COL19A1: variants seen among roughly 807,000 people sequenced by gnomAD.
COL19A1 encodes the protein collagen alpha-1(XIX) chain.
A neutral mutation model predicts 190.2 loss-of-function variants in COL19A1; 159 were observed. The observed-to-expected ratio is 0.84, with a 90% confidence interval of 0.73 to 0.95. The LOEUF is 0.95. COL19A1 is among the 40% of genes least tolerant of loss of function. COL19A1 has a pLI of 0.00. For missense variants in COL19A1, 1,418 were observed against 1,431.9 expected, an observed-to-expected ratio of 0.99 and a Z score of 0.16; for synonymous variants, 509 against 458.9, an observed-to-expected ratio of 1.11 and a Z score of -1.39.
intron 22 of COL19A1, among the ~76,000 whole-genome samples, chr6:70,142,353 C>T (rs931999549): frequency 1.3e-5 from 2 of 152,132 alleles, no homozygotes; most frequent in African/African-American, 2.4e-5. Flanking sequence ...GCTAAATCTA[C>T]GACCTTGAGC....
At chr6:69,985,205 T>C (rs1278932269) in intron 11 of COL19A1, among the ~76,000 whole-genome samples, 1 of 152,188 alleles carries the variant, frequency 6.6e-6, no homozygotes, top group Non-Finnish European at 1.5e-5. Context: ...AGTTTTGTTG[T>C]GTGGGATGGT....
intron 12 of COL19A1, among the ~76,000 whole-genome samples, chr6:70,029,663 T>C (rs1160849185): frequency 6.6e-6 from 1 of 152,190 alleles, no homozygotes; most frequent in East Asian, 1.9e-4. Flanking sequence ...TACAATGCCA[T>C]GGCCTTAACA....
At chr6:69,874,180 C>T (rs1451771168) in intron 1 of COL19A1, among the ~76,000 whole-genome samples, 1 of 152,118 alleles carries the variant, frequency 6.6e-6, no homozygotes, top group Non-Finnish European at 1.5e-5. Flanking sequence ...AGCCTGAGAA[C>T]CGCAGGTGTC....
chr6:70,149,167 C>T (rs936207752), intron 27 of COL19A1, among the ~76,000 whole-genome samples: 4 of 152,128 alleles, frequency 2.6e-5, no homozygotes, highest in Admixed American at 1.3e-4. Flanking sequence ...TCATGGTTAC[C>T]TAAGAGCGGT....
chr6:70,187,995 G>C (rs1371913740), intron 46 of COL19A1, 80 bp from the exon 47 acceptor site: 3 of 1,529,854 alleles, frequency 2.0e-6, no homozygotes, highest in African/African-American at 1.4e-5. Context: ...ATAAGTGCCA[G>C]TATGAATCCA....
chr6:70,185,974 C>A (rs1766488094), intron 46 of COL19A1, among the ~76,000 whole-genome samples: 1 of 152,222 alleles, frequency 6.6e-6, no homozygotes, highest in African/African-American at 2.4e-5. Context: ...ATCTCTCTCA[C>A]TCTAATACAT....
intron 4 of COL19A1, among the ~76,000 whole-genome samples, chr6:69,912,111 A>G (rs1477357325): frequency 1.3e-5 from 2 of 152,138 alleles, no homozygotes; most frequent in African/African-American, 2.4e-5. Flanking sequence ...TCTCTGTCAT[A>G]CCATGCCCAC....
intron 11 of COL19A1, among the ~76,000 whole-genome samples, chr6:69,978,048 C>T (rs1003169748): frequency 6.6e-6 from 1 of 152,162 alleles, no homozygotes; most frequent in African/African-American, 2.4e-5. Flanking sequence ...CCCAGAGATT[C>T]TATATGTGTT....
At chr6:70,042,674 G>A (rs1283568968) in intron 14 of COL19A1, among the ~76,000 whole-genome samples, 2 of 152,150 alleles carry the variant, frequency 1.3e-5, no homozygotes, top group Non-Finnish European at 2.9e-5. Context: ...AGCATGTGAT[G>A]CTGTTTAGTA....
At chr6:70,071,701 G>A (rs1341660290) in intron 15 of COL19A1, among the ~76,000 whole-genome samples, 3 of 152,038 alleles carry the variant, frequency 2.0e-5, no homozygotes, top group African/African-American at 7.2e-5. Flanking sequence ...CTAAGCTACA[G>A]ATGAGAATGT....
intron 35 of COL19A1, among the ~76,000 whole-genome samples, chr6:70,162,805 A>G (rs1427576877): frequency 6.6e-6 from 1 of 152,228 alleles, no homozygotes; most frequent in African/African-American, 2.4e-5. Context: ...ACAGTTATAC[A>G]GAACAAACCT....
At chr6:70,084,052 T>C (rs916015745) in intron 15 of COL19A1, among the ~76,000 whole-genome samples, 3 of 152,208 alleles carry the variant, frequency 2.0e-5, no homozygotes, top group Non-Finnish European at 4.4e-5. Flanking sequence ...CTTACCTTTT[T>C]AAAATTGGAA....
At chr6:69,974,916 C>T (rs1377135836) in intron 11 of COL19A1, among the ~76,000 whole-genome samples, 2 of 150,694 alleles carry the variant, frequency 1.3e-5, no homozygotes, top group African/African-American at 4.9e-5. Context: ...GAGTTCGCGC[C>T]ATTTTCCTGC....
At chr6:70,163,292 T>G in intron 35 of COL19A1, 51 bp from the exon 36 acceptor site, 3 of 1,536,018 alleles carry the variant, frequency 2.0e-6, no homozygotes, top group East Asian at 2.3e-5. Context: ...CCAATACCCT[T>G]TGGCCATTTA....
At chr6:70,023,869 A>G (rs1188594708) in intron 12 of COL19A1, among the ~76,000 whole-genome samples, 189 bp downstream of exon 12, 1 of 152,082 alleles carries the variant, frequency 6.6e-6, no homozygotes, top group Non-Finnish European at 1.5e-5. Flanking sequence ...CATTGGCTTT[A>G]TGTATTTTCT....
In COL19A1 at chr6:69,994,292, CTAAT is replaced by C. The variant is rs535043819; in HGVS notation, c.1027-29333_1027-29330del. Among the ~76,000 whole-genome samples, 366 of 152,160 alleles carry C rather than the reference CTAAT, an allele frequency of 2.4e-3. 1 individual carries two copies. Among genetic ancestry groups the C allele is most frequent in the South Asian group, 6.6e-3 (32 of 4,816 alleles). Reference sequence around the variant, plus strand: ...CCTAGCTCTTTTCATCTTGTTCACTCTAATTGAGTGAGAATTTTTAGAAAGTTTA... The same window carrying C: ...CCTAGCTCTTTTCATCTTGTTCACTCTGAGTGAGAATTTTTAGAAAGTTTA... On this transcript the variant is annotated intron_variant, in intron 11 of 50. Coordinates refer to ENST00000620364, the MANE Select transcript of COL19A1 (RefSeq NM_001858.6).
chr6:70,071,455 C>G (rs148703749), intron 15 of COL19A1, among the ~76,000 whole-genome samples: 1 of 152,094 alleles, frequency 6.6e-6, no homozygotes, highest in Non-Finnish European at 1.5e-5. Flanking sequence ...GCTTCTTACA[C>G]TTAAAAGCTA....
intron 25 of COL19A1, 47 bp from the exon 26 acceptor site, chr6:70,146,612 A>T: frequency 6.8e-7 from 1 of 1,478,302 alleles, no homozygotes; most frequent in Non-Finnish European, 9.3e-7. Flanking sequence ...TAATGTGTTT[A>T]TAACTTTTCT....
At chr6:70,180,670 G>T in intron 44 of COL19A1, 147 bp downstream of exon 44, 1 of 776,664 alleles carries the variant, frequency 1.3e-6, no homozygotes, top group East Asian at 2.7e-5. Flanking sequence ...GATGGCAAGG[G>T]CAGGAGTTCT....
Sources: allele counts gnomAD v4.1 joint callset (sites outside exome capture counted in the v4.1 genomes callset), GRCh38; gene constraint gnomAD v4.1.1; transcripts MANE v1.5; gene names NCBI Gene and HGNC (gene_info 2026-07-23, HGNC 2026-07-21).